Variants in POU2F2 observed in about 807,000 individuals in gnomAD.
POU2F2 encodes the protein POU class 2 homeobox 2.
Under a neutral mutation model 63.5 loss-of-function variants are expected in POU2F2, and 14 were observed. That is an observed-to-expected ratio of 0.22 (90% CI 0.15 to 0.34). The LOEUF is 0.34. Ranked by LOEUF, POU2F2 falls within the 10% of genes least tolerant of loss-of-function variation. The pLI, the probability that POU2F2 is intolerant of heterozygous loss-of-function variation, is 1.00. For synonymous variants in POU2F2, 306 were observed against 348.6 expected, an observed-to-expected ratio of 0.88 and a Z score of 1.36; for missense variants, 607 against 815.2, an observed-to-expected ratio of 0.74 and a Z score of 3.11.
rs60030513 is a variant in POU2F2 at position 42,091,094 on chromosome 19, C to CTTTTTTTTTTTTTTTTTTT, written c.*162_*163insAAAAAAAAAAAAAAAAAAA. ...TCTCTTTTGTTGGTTAGTTTCTTTC[C>CTTTTTTTTTTTTTTTTTTT]TTTTTTTTTTTTTTTTTGGTTGGTT... is the stretch of plus-strand genomic sequence containing the variant. On this transcript the variant is annotated 3_prime_UTR_variant, in exon 15 of 15. Coordinates refer to ENST00000692977, the MANE Select transcript of POU2F2 (RefSeq NM_001394376.1). 1 of 323,932 alleles carries CTTTTTTTTTTTTTTTTTTT rather than the reference C, an allele frequency of 3.1e-6. No individual in the cohort carries two copies. The highest frequency in any genetic ancestry group is 2.9e-5 in the African/African-American group (1 of 34,856). 20.1% of individuals were successfully genotyped at this position (323,932 alleles called of 1,614,324 possible).
intron 1 of POU2F2, among the ~76,000 whole-genome samples, chr19:42,129,966 A>G (rs181350277): frequency 9.7e-4 from 148 of 152,328 alleles, no homozygotes; most frequent in African/African-American, 3.4e-3. Flanking sequence ...CAGATTCCAG[A>G]CAGGAATGTG....
At chr19:42,166,246 G>A (rs2034647089) in intron 1 of POU2F2, among the ~76,000 whole-genome samples, 2 of 152,154 alleles carry the variant, frequency 1.3e-5, no homozygotes, top group Admixed American at 6.5e-5. Context: ...TGTGCAGATG[G>A]ACTATGTTCA....
intron 1 of POU2F2, 87 bp downstream of exon 1, chr19:42,132,297 G>A (rs1157310420): frequency 2.1e-6 from 3 of 1,453,602 alleles, no homozygotes; most frequent in East Asian, 2.6e-5. Flanking sequence ...GGAGACAGCT[G>A]AGGAGGAGGG....
intron 1 of POU2F2, among the ~76,000 whole-genome samples, chr19:42,181,395 A>G (rs1368814708): frequency 2.0e-5 from 3 of 152,222 alleles, no homozygotes; most frequent in Non-Finnish European, 4.4e-5. Context: ...ATCTCTGGGT[A>G]CAGGTGTGCA....
chr19:42,178,962 G>A (rs535327494), upstream of POU2F2, among the ~76,000 whole-genome samples: 2 of 152,140 alleles, frequency 1.3e-5, no homozygotes, highest in Non-Finnish European at 2.9e-5. Flanking sequence ...CACACAGAGA[G>A]ACACAGTGAG....
At chr19:42,105,364 G>A (rs746409675) in intron 5 of POU2F2, among the ~76,000 whole-genome samples, 9 of 151,918 alleles carry the variant, frequency 5.9e-5, no homozygotes, top group East Asian at 3.9e-4. Flanking sequence ...AACTCATATC[G>A]GAACCTGGTA....
intron 1 of POU2F2, among the ~76,000 whole-genome samples, chr19:42,194,319 T>G (rs2035105521): frequency 6.6e-6 from 1 of 152,028 alleles, no homozygotes; most frequent in Admixed American, 6.6e-5. Flanking sequence ...GAGTTTGAGG[T>G]TACAATGAGT....
At chr19:42,128,351 G>A (rs2033387944) in intron 1 of POU2F2, among the ~76,000 whole-genome samples, 1 of 152,174 alleles carries the variant, frequency 6.6e-6, no homozygotes, top group South Asian at 2.1e-4. Context: ...TGCAGAGACT[G>A]TGGCTGGAAA....
intron 1 of POU2F2, among the ~76,000 whole-genome samples, chr19:42,129,882 C>T (rs372041394): frequency 1.3e-5 from 2 of 152,226 alleles, no homozygotes; most frequent in African/African-American, 4.8e-5. Context: ...CAGGCAAGAG[C>T]TGCCAACAGT....
intron 5 of POU2F2, among the ~76,000 whole-genome samples, chr19:42,103,729 T>C (rs746620643): frequency 2.1e-4 from 31 of 148,268 alleles, no homozygotes; most frequent in Non-Finnish European, 3.9e-4. Flanking sequence ...GCCTCCCAGG[T>C]TCACGCCATT....
Position 42,096,318 on chromosome 19 carries a change from C to T in POU2F2, c.568-75G>A, listed in dbSNP as rs1264631181. 2 of 1,382,280 alleles carry T rather than the reference C, an allele frequency of 1.4e-6. No homozygotes were observed. Among genetic ancestry groups the T allele is most frequent in the Non-Finnish European group, 1.9e-6 (2 of 1,042,676 alleles). 85.6% of individuals were successfully genotyped at this position (1,382,280 alleles called of 1,614,324 possible). ...GGCTCAGCGATGGGTGCACAGTCCC[C>T]CTCCCGCCCTCTTCGCCCCTGCGTT... On this transcript the variant is annotated intron_variant, in intron 7 of 14. Coordinates refer to ENST00000692977, the MANE Select transcript of POU2F2 (RefSeq NM_001394376.1). This position sits in a 1 kb window ranked among gnomAD's most constrained non-coding sequence, Gnocchi z 4.1.
intron 2 of POU2F2, among the ~76,000 whole-genome samples, chr19:42,137,763 A>G (rs2034046790): frequency 6.6e-6 from 1 of 152,178 alleles, no homozygotes; most frequent in South Asian, 2.1e-4. Context: ...AAAGGATGGC[A>G]TGTTGCAGAA....
intron 1 of POU2F2, chr19:42,123,267 A>T (rs2032859603): frequency 6.6e-6 from 1 of 152,364 alleles, no homozygotes; most frequent in African/African-American, 2.4e-5. Context: ...TCTAAACCTG[A>T]TCTGGGACTT....
At chr19:42,170,886 G>A (rs1391105702) in intron 1 of POU2F2, among the ~76,000 whole-genome samples, 3 of 152,240 alleles carry the variant, frequency 2.0e-5, no homozygotes, top group Admixed American at 6.5e-5. Context: ...AGCCAAATGC[G>A]CCATCATTTG....
chr19:42,130,630 C>G (rs1022889267), intron 1 of POU2F2, among the ~76,000 whole-genome samples: 3 of 151,922 alleles, frequency 2.0e-5, no homozygotes, highest in Non-Finnish European at 4.4e-5. Context: ...TATGGACACA[C>G]ACACATATAC....
intron 14 of POU2F2, 125 bp from the exon 15 acceptor site, chr19:42,091,716 C>T: frequency 6.4e-7 from 1 of 1,551,154 alleles, no homozygotes. Flanking sequence ...ATCAGCACCC[C>T]TCACACCTTC....
rs1362377898 is a variant in POU2F2, at chr19:42,132,425, C to G, written c.-14G>C. The G allele has an allele frequency of 6.7e-7, 1 of 1,491,636 alleles. No homozygotes were observed. Among genetic ancestry groups the G allele is most frequent in the South Asian group, 1.3e-5 (1 of 75,580 alleles). The allele number at this position is 1,491,636 out of a possible 1,614,324, so 92.4% of individuals were successfully genotyped here. ...GGAGTGAACCATGCTGCCCGCCCCG[C>G]CAGGGCTGGGGGAACAACTGTGTCA... is the stretch of plus-strand genomic sequence containing the variant. On this transcript the variant is annotated 5_prime_UTR_variant, in exon 1 of 15. Transcript: ENST00000692977.
chr19:42,176,482 T>TCGCTCCTC (rs953473010), upstream of POU2F2, among the ~76,000 whole-genome samples: 3 of 152,060 alleles, frequency 2.0e-5, no homozygotes, highest in East Asian at 1.9e-4. Flanking sequence ...GCCTCGGCTC[T>TCGCTCCTC]CGCTCCTCCG....
intron 1 of POU2F2, among the ~76,000 whole-genome samples, chr19:42,174,018 G>C (rs997910255): frequency 6.6e-6 from 1 of 152,126 alleles, no homozygotes; most frequent in South Asian, 2.1e-4. Context: ...AGCTTTTCAT[G>C]GGCTGATAGA....
Sources: gnomAD v4.1 joint callset for allele counts (sites outside exome capture counted in the v4.1 genomes callset) on GRCh38, gnomAD v4.1.1 for gene constraint, Gnocchi (gnomAD v3.1) non-coding constraint, MANE v1.5 for transcripts, NCBI Gene and HGNC (gene_info 2026-07-23, HGNC 2026-07-21) for gene names.